Variants in PDE1C observed in about 807,000 individuals in gnomAD.
The protein encoded by PDE1C is phosphodiesterase 1C.
In PDE1C, 62 loss-of-function variants were observed where a neutral mutation model predicts 93.1. The ratio of observed to expected loss-of-function variants is 0.67; its 90% CI spans 0.54 to 0.82. PDE1C has a LOEUF of 0.82. Ranked by LOEUF, PDE1C falls within the 40% of genes least tolerant of loss-of-function variation. The probability of loss-of-function intolerance (pLI) is 0.00; values close to 1 mark genes in which losing one functional copy is unlikely to be tolerated. For synonymous variants in PDE1C, 325 were observed against 310.1 expected, an observed-to-expected ratio of 1.05 and a Z score of -0.50; for missense variants, 742 against 884.6, an observed-to-expected ratio of 0.84 and a Z score of 2.04.
chr7:31,871,306 A>C (rs1329667179), intron 6 of PDE1C, among the ~76,000 whole-genome samples: 1 of 152,052 alleles, frequency 6.6e-6, no homozygotes, highest in Non-Finnish European at 1.5e-5. Flanking sequence ...AAATTGGTCT[A>C]GGCAAAGATT....
At chr7:32,207,796 C>T (rs1226016960) in intron 2 of PDE1C, among the ~76,000 whole-genome samples, 2 of 152,222 alleles carry the variant, frequency 1.3e-5, no homozygotes, top group African/African-American at 4.8e-5. Flanking sequence ...ACCTTCCTTT[C>T]TCTGTGAAGG....
At chr7:32,252,515 C>T (rs1809466734) in intron 1 of PDE1C, among the ~76,000 whole-genome samples, 1 of 152,136 alleles carries the variant, frequency 6.6e-6, no homozygotes, top group African/African-American at 2.4e-5. Flanking sequence ...ACCTGAATGA[C>T]AAGCAAGAAT....
At chr7:31,936,478 C>A (rs895690368) in intron 2 of PDE1C, among the ~76,000 whole-genome samples, 3 of 151,758 alleles carry the variant, frequency 2.0e-5, no homozygotes, top group Non-Finnish European at 4.4e-5. Flanking sequence ...TCATTTATCC[C>A]AAACTTACAG....
chr7:31,778,690 C>G (rs961556100), intron 16 of PDE1C, among the ~76,000 whole-genome samples: 1 of 152,160 alleles, frequency 6.6e-6, no homozygotes, highest in Non-Finnish European at 1.5e-5. Context: ...TGCTAATAGT[C>G]ACTCCCACAT....
At chr7:31,919,603 C>A (rs1802359209) in intron 2 of PDE1C, among the ~76,000 whole-genome samples, 1 of 152,034 alleles carries the variant, frequency 6.6e-6, no homozygotes, top group African/African-American at 2.4e-5. Context: ...CCTGTATTAC[C>A]CTTAAAAAAA....
intron 1 of PDE1C, among the ~76,000 whole-genome samples, chr7:32,280,582 A>G (rs934929122): frequency 6.6e-6 from 1 of 152,252 alleles, no homozygotes; most frequent in Non-Finnish European, 1.5e-5. Flanking sequence ...CCCATGAAAC[A>G]TGTACAAAAA....
intron 1 of PDE1C, among the ~76,000 whole-genome samples, chr7:32,413,747 A>G (rs746749330): frequency 1.3e-5 from 2 of 152,130 alleles, no homozygotes; most frequent in Admixed American, 1.3e-4. Context: ...ACTTCTGTAA[A>G]TTATAAATAA....
the PDE1C span, among the ~76,000 whole-genome samples, chr7:31,733,912 G>A: frequency 6.6e-6 from 1 of 152,206 alleles, no homozygotes; most frequent in Non-Finnish European, 1.5e-5. Flanking sequence ...GCTGAGGCAA[G>A]AAGATCGCTT....
At chr7:32,305,524 A>G (rs566484444) in intron 1 of PDE1C, among the ~76,000 whole-genome samples, 63 of 152,280 alleles carry the variant, frequency 4.1e-4, no homozygotes, top group African/African-American at 1.4e-3. Flanking sequence ...TCTTACAGTC[A>G]CCTTGGCCTT....
chr7:31,630,502 G>C, the PDE1C span, among the ~76,000 whole-genome samples: 1 of 152,204 alleles, frequency 6.6e-6, no homozygotes, highest in Non-Finnish European at 1.5e-5. Flanking sequence ...TTAGCTATTA[G>C]TAATGTTGAA....
At chr7:31,619,634 G>A in the PDE1C span, among the ~76,000 whole-genome samples, 1 of 152,094 alleles carries the variant, frequency 6.6e-6, no homozygotes, top group African/African-American at 2.4e-5. Flanking sequence ...GAGCCAAGAT[G>A]GCCGAATAGG....
intron 3 of PDE1C, among the ~76,000 whole-genome samples, chr7:32,096,357 C>A (rs529549828): frequency 6.6e-6 from 1 of 152,310 alleles, no homozygotes; most frequent in Admixed American, 6.5e-5. Context: ...TGAAGTCAGA[C>A]AACAGAATGC....
At position 31,865,471 on chromosome 7, in the gene PDE1C, C is replaced by T. The variant is rs182106857; in HGVS notation, c.610-389G>A. On this transcript the variant is annotated intron_variant, in intron 6 of 17. Coordinates refer to ENST00000396191, the MANE Select transcript of PDE1C (RefSeq NM_001191057.4). Reference sequence around the variant, plus strand: ...TCCTCCTCTACTCTTAAATACCCTTCCCCTCTAACCCTAAGGGAAAAAAAG... The same window carrying T: ...TCCTCCTCTACTCTTAAATACCCTTTCCCTCTAACCCTAAGGGAAAAAAAG... Among the ~76,000 whole-genome samples the T allele has an allele frequency of 1.4e-4, 21 of 152,276 alleles. No individual in the cohort carries two copies. The East Asian group carries it at 3.7e-3, about 27-fold the overall frequency.
intron 14 of PDE1C, among the ~76,000 whole-genome samples, chr7:31,822,724 GAAGA>G: frequency 6.6e-6 from 1 of 152,096 alleles, no homozygotes; most frequent in Non-Finnish European, 1.5e-5. Context: ...TTAGGTAAAA[GAAGA>G]AATAAAAGCC....
chr7:32,185,729 C>T (rs1803806972), intron 2 of PDE1C, among the ~76,000 whole-genome samples: 2 of 151,950 alleles, frequency 1.3e-5, no homozygotes, highest in Non-Finnish European at 2.9e-5. Flanking sequence ...CTCTTCTTTC[C>T]AACATGATGG....
At chr7:32,316,415 A>G (rs1373922950) in intron 1 of PDE1C, among the ~76,000 whole-genome samples, 1 of 152,186 alleles carries the variant, frequency 6.6e-6, no homozygotes, top group African/African-American at 2.4e-5. Flanking sequence ...TCCATATCAT[A>G]CCAGGACCAG....
rs184455221 is a variant in PDE1C at position 32,210,813 on chromosome 7, A to T, written c.86-1274T>A. Among the ~76,000 whole-genome samples the T allele has an allele frequency of 6.3e-3, 954 of 152,238 alleles. 10 individuals carry two copies. Among genetic ancestry groups the T allele is most frequent in the African/African-American group, 0.022 (911 of 41,536 alleles). ...GTATTAGCTTTGCTTTATCATCTGCACTCTTACTATATATTACTATATATA... is the reference window on the plus strand; with the variant it reads ...GTATTAGCTTTGCTTTATCATCTGCTCTCTTACTATATATTACTATATATA... On this transcript the variant is annotated intron_variant, in intron 1 of 18. Coordinates refer to the PDE1C transcript ENST00000396193.
intron 17 of PDE1C, among the ~76,000 whole-genome samples, chr7:31,766,835 T>G (rs2128617515): frequency 6.6e-6 from 1 of 152,352 alleles, no homozygotes; most frequent in African/African-American, 2.4e-5. Context: ...TTTTGGAATA[T>G]TTGCATTATA....
intron 2 of PDE1C, among the ~76,000 whole-genome samples, chr7:31,933,003 G>T (rs1364559430): frequency 6.6e-6 from 1 of 152,074 alleles, no homozygotes; most frequent in Non-Finnish European, 1.5e-5. Context: ...CTCATAAGTG[G>T]GAGTTGAATA....
Sources: allele counts gnomAD v4.1 joint callset (sites outside exome capture counted in the v4.1 genomes callset), GRCh38; gene constraint gnomAD v4.1.1; transcripts MANE v1.5; gene names NCBI Gene and HGNC (gene_info 2026-07-23, HGNC 2026-07-21).